The following MTCL2 variants were observed in gnomAD, a reference collection of about 807,000 sequenced individuals.
The protein encoded by MTCL2 is microtubule cross-linking factor 2.
the MTCL2 span, chr20:36,839,127 A>G: frequency 6.4e-6 from 8 of 1,246,750 alleles, no homozygotes; most frequent in Non-Finnish European, 9.0e-6. This position sits in a 1 kb window ranked among gnomAD's most constrained non-coding sequence, Gnocchi z 5.1. Context: ...TTGGCCATGG[A>G]CACACGGAAA....
At chr20:36,793,496 T>C in the MTCL2 span, 1 of 1,551,744 alleles carries the variant, frequency 6.4e-7, no homozygotes. This position sits in a 1 kb window ranked among gnomAD's most constrained non-coding sequence, Gnocchi z 6.8. Flanking sequence ...GAAGAATTCC[T>C]GCACAATGCC....
At chr20:36,808,587 T>C in the MTCL2 span, 11 of 1,611,690 alleles carry the variant, frequency 6.8e-6, no homozygotes, top group East Asian at 2.5e-4. Context: ...CTGAGCTTCA[T>C]GAAGAGCAGC....
At chr20:36,853,746 GGTT>G in the MTCL2 span, among the ~76,000 whole-genome samples, 2 of 149,416 alleles carry the variant, frequency 1.3e-5, no homozygotes, top group African/African-American at 2.5e-5. Flanking sequence ...TGTGTGTGGT[GGTT>G]GTTGTTGGTA....
the MTCL2 span, chr20:36,797,708 A>T: frequency 2.7e-6 from 2 of 745,612 alleles, no homozygotes; most frequent in Non-Finnish European, 4.4e-6. Context: ...CCACCTTCTC[A>T]GTGGGTAGCA....
At chr20:36,792,437 G>A in the MTCL2 span, among the ~76,000 whole-genome samples, 5 of 152,044 alleles carry the variant, frequency 3.3e-5, no homozygotes, top group Admixed American at 6.5e-5. Flanking sequence ...CCCAGGAGGC[G>A]GAGGTTACAG....
At chr20:36,803,693 C>T in the MTCL2 span, among the ~76,000 whole-genome samples, 17 of 151,986 alleles carry the variant, frequency 1.1e-4, no homozygotes, top group African/African-American at 3.6e-4. Flanking sequence ...TGGTGGCTCA[C>T]GCCAGTACTC....
the MTCL2 span, chr20:36,786,353 C>T: frequency 7.5e-7 from 1 of 1,337,168 alleles, no homozygotes; most frequent in Non-Finnish European, 9.6e-7. Context: ...CTGGCAGTGG[C>T]ATCACTGCTG....
chr20:36,788,806 CTT>C, the MTCL2 span, among the ~76,000 whole-genome samples: 4 of 142,550 alleles, frequency 2.8e-5, no homozygotes, highest in Non-Finnish European at 4.6e-5. Flanking sequence ...CTTTTCTTTT[CTT>C]TTTTTTTTTT....
the MTCL2 span, among the ~76,000 whole-genome samples, chr20:36,797,763 T>C: frequency 6.6e-6 from 1 of 152,188 alleles, no homozygotes; most frequent in Non-Finnish European, 1.5e-5. Flanking sequence ...AAAATGATAA[T>C]AAAAGGAACT....
chr20:36,786,122 C>T, the MTCL2 span: 5,311 of 995,426 alleles, frequency 5.3e-3, 90 homozygotes, highest in Admixed American at 0.077. Context: ...CATGGCCAGA[C>T]ATGTATCCTT....
chr20:36,802,265 G>A, the MTCL2 span, among the ~76,000 whole-genome samples: 3 of 152,206 alleles, frequency 2.0e-5, 1 homozygote, highest in South Asian at 6.2e-4. Flanking sequence ...GTGACAGAGT[G>A]AGACTCTGTC....
the MTCL2 span, among the ~76,000 whole-genome samples, chr20:36,799,222 G>A: frequency 2.0e-5 from 3 of 151,922 alleles, no homozygotes; most frequent in Non-Finnish European, 4.4e-5. Flanking sequence ...CGGGCACGGT[G>A]GCTCACACCT....
the MTCL2 span, among the ~76,000 whole-genome samples, chr20:36,798,471 C>T: frequency 6.6e-6 from 1 of 152,218 alleles, no homozygotes; most frequent in African/African-American, 2.4e-5. Flanking sequence ...AGAGGTTGGG[C>T]AGCTGACTGA....
chr20:36,854,932 G>C, the MTCL2 span, among the ~76,000 whole-genome samples: 25 of 152,274 alleles, frequency 1.6e-4, no homozygotes, highest in African/African-American at 5.8e-4. Context: ...GGGGAGGGAA[G>C]GGGGGACACA....
chr20:36,821,101 G>A, the MTCL2 span, among the ~76,000 whole-genome samples: 3 of 152,326 alleles, frequency 2.0e-5, no homozygotes, highest in East Asian at 1.9e-4. Flanking sequence ...CAGTTATCCC[G>A]CCCCAAGGCA....
At chr20:36,843,801 C>CA in the MTCL2 span, among the ~76,000 whole-genome samples, 21 of 152,320 alleles carry the variant, frequency 1.4e-4, no homozygotes, top group African/African-American at 5.1e-4. Context: ...GCACACAACC[C>CA]TATGATGCTG....
the MTCL2 span, among the ~76,000 whole-genome samples, chr20:36,789,988 A>ATTTTT: frequency 9.0e-6 from 1 of 110,736 alleles, no homozygotes; most frequent in African/African-American, 3.6e-5. Flanking sequence ...TAATTTTTGT[A>ATTTTT]TTTTTTTTTT....
At chr20:36,848,473 T>A in the MTCL2 span, among the ~76,000 whole-genome samples, 2 of 152,192 alleles carry the variant, frequency 1.3e-5, no homozygotes, top group African/African-American at 4.8e-5. Flanking sequence ...AATAGCAAGA[T>A]CTTGCACAGC....
At chr20:36,794,776 T>C in the MTCL2 span, 1 of 805,104 alleles carries the variant, frequency 1.2e-6, no homozygotes, top group East Asian at 2.7e-5. The surrounding 1 kb of genome is among the most constrained non-coding windows in gnomAD (Gnocchi z 5.4). Flanking sequence ...TTTCTTTTTT[T>C]TTTTTTTCTC....
Sources: allele counts gnomAD v4.1 joint callset (sites outside exome capture counted in the v4.1 genomes callset), GRCh38; gene constraint gnomAD v4.1.1; non-coding constraint Gnocchi (gnomAD v3.1); transcripts MANE v1.5; gene names NCBI Gene and HGNC (gene_info 2026-07-23, HGNC 2026-07-21).